CEP112: variants seen among roughly 807,000 people sequenced by gnomAD.
CEP112 encodes centrosomal protein of 112 kDa.
A neutral mutation model predicts 153.0 loss-of-function variants in CEP112; 127 were observed. The ratio of observed to expected loss-of-function variants is 0.83; its 90% confidence interval spans 0.72 to 0.96. The LOEUF (loss-of-function observed/expected upper bound fraction) is 0.96. CEP112 is among the 40% of genes least tolerant of loss of function. The pLI is 0.00. For synonymous variants in CEP112, 358 were observed against 374.4 expected (o/e 0.96, Z 0.51); for missense variants, 1,089 against 1,101.2 (o/e 0.99, Z 0.16).
At chr17:66,142,551 T>C (rs373610422) in intron 4 of CEP112, among the ~76,000 whole-genome samples, 2 of 152,178 alleles carry the variant, frequency 1.3e-5, no homozygotes, top group East Asian at 3.8e-4. Context: ...AGGGCCAAAT[T>C]TTCTTTTTAT....
chr17:65,781,523 A>AG (rs1051429211), intron 21 of CEP112, among the ~76,000 whole-genome samples: 1 of 149,458 alleles, frequency 6.7e-6, no homozygotes, highest in African/African-American at 2.5e-5. Flanking sequence ...ATATGGAACA[A>AG]AAAAAAAAGC....
At chr17:66,188,604 A>C (rs543443251) in intron 1 of CEP112, among the ~76,000 whole-genome samples, 1 of 147,656 alleles carries the variant, frequency 6.8e-6, no homozygotes, top group African/African-American at 2.5e-5. Context: ...TTTTTTACAC[A>C]TCTGTGTATT....
At position 65,902,150 on chromosome 17, in the gene CEP112, A is replaced by C. The variant is rs766237557; in HGVS notation, c.2163+2T>G. On this transcript the variant is annotated splice_donor_variant, in intron 20 of 26. Coordinates refer to ENST00000535342, the MANE Select transcript of CEP112 (RefSeq NM_001199165.4). LOFTEE classifies it high-confidence loss of function. Reference sequence around the variant, plus strand: ...GTTTTATCAAATATTATTGATAATTACCTGTGCATCTCGTTTCTTGAACTC... The same window carrying C: ...GTTTTATCAAATATTATTGATAATTCCCTGTGCATCTCGTTTCTTGAACTC... 2 of 1,606,776 alleles carry C rather than the reference A, an allele frequency of 1.2e-6. No individual in the cohort carries two copies. The highest frequency in any genetic ancestry group is 8.5e-7 in the Non-Finnish European group (1 of 1,174,328).
intron 16 of CEP112, among the ~76,000 whole-genome samples, chr17:66,019,611 T>C (rs1392086895): frequency 6.6e-6 from 1 of 152,254 alleles, no homozygotes; most frequent in East Asian, 1.9e-4. Flanking sequence ...TGAACAATGA[T>C]GGCTATTTTT....
intron 8 of CEP112, among the ~76,000 whole-genome samples, chr17:66,084,893 G>A (rs1399405087): frequency 6.6e-6 from 1 of 152,026 alleles, no homozygotes; most frequent in East Asian, 1.9e-4. Context: ...ATTATGCATT[G>A]CAGGCCTGTA....
At chr17:65,827,205 A>G (rs1407813845) in intron 21 of CEP112, among the ~76,000 whole-genome samples, 1 of 152,192 alleles carries the variant, frequency 6.6e-6, no homozygotes, top group African/African-American at 2.4e-5. Context: ...TTGAGGTTTT[A>G]GGACTTGGAC....
intron 23 of CEP112, among the ~76,000 whole-genome samples, chr17:65,739,980 T>C (rs940223112): frequency 1.5e-4 from 23 of 152,176 alleles, no homozygotes; most frequent in Non-Finnish European, 7.3e-5. Flanking sequence ...TATTATAGTT[T>C]AAATATAGAT....
intron 9 of CEP112, among the ~76,000 whole-genome samples, chr17:66,069,615 T>C (rs1405363285): frequency 6.6e-6 from 1 of 152,060 alleles, no homozygotes; most frequent in Non-Finnish European, 1.5e-5. Flanking sequence ...TGAAAGGTAA[T>C]GACAGAATGC....
intron 6 of CEP112, among the ~76,000 whole-genome samples, chr17:66,097,183 C>T (rs551058676): frequency 6.6e-6 from 1 of 152,306 alleles, no homozygotes; most frequent in East Asian, 1.9e-4. Flanking sequence ...ACCCCACATT[C>T]CAAGGACACC....
intron 24 of CEP112, among the ~76,000 whole-genome samples, chr17:65,677,420 T>C (rs2047287351): frequency 6.6e-6 from 1 of 152,232 alleles, no homozygotes; most frequent in African/African-American, 2.4e-5. Context: ...ATAAGTTACA[T>C]GCATTTGAAC....
At chr17:65,715,696 C>T (rs928525181) in intron 23 of CEP112, among the ~76,000 whole-genome samples, 2 of 152,178 alleles carry the variant, frequency 1.3e-5, no homozygotes, top group Non-Finnish European at 2.9e-5. Flanking sequence ...TGTGATCCAC[C>T]CGCCTCGGCC....
intron 17 of CEP112, among the ~76,000 whole-genome samples, chr17:65,973,500 C>T (rs377205408): frequency 6.6e-6 from 1 of 152,142 alleles, no homozygotes; most frequent in African/African-American, 2.4e-5. Flanking sequence ...GACATGAAAA[C>T]CTTTTTAACA....
At chr17:65,849,420 T>TC (rs1325018227) in intron 21 of CEP112, among the ~76,000 whole-genome samples, 7 of 152,136 alleles carry the variant, frequency 4.6e-5, no homozygotes, top group Non-Finnish European at 7.4e-5. Context: ...AGTGGCCCCC[T>TC]CCCCTGTTTT....
At chr17:65,878,188 T>C (rs763983933) in intron 20 of CEP112, among the ~76,000 whole-genome samples, 5 of 151,744 alleles carry the variant, frequency 3.3e-5, no homozygotes, top group Admixed American at 6.6e-5. Context: ...CCTGTTCTCA[T>C]TGCAAAAAAA....
At chr17:66,087,414 A>C (rs1264557649) in intron 8 of CEP112, among the ~76,000 whole-genome samples, 1 of 152,230 alleles carries the variant, frequency 6.6e-6, no homozygotes, top group Non-Finnish European at 1.5e-5. Flanking sequence ...GGAATGACTC[A>C]AAATGATTTT....
chr17:66,026,043 C>T (rs904082630), intron 16 of CEP112, among the ~76,000 whole-genome samples: 6 of 151,566 alleles, frequency 4.0e-5, no homozygotes, highest in Non-Finnish European at 5.9e-5. Flanking sequence ...TCAAATGCCA[C>T]GTTCTTATTT....
intron 20 of CEP112, among the ~76,000 whole-genome samples, chr17:65,888,757 T>C (rs963382477): frequency 5.3e-5 from 8 of 152,174 alleles, no homozygotes; most frequent in African/African-American, 1.9e-4. Flanking sequence ...CACAGTAAAG[T>C]ATGTGGGGTA....
chr17:65,783,496 A>G (rs1327653579), intron 21 of CEP112, among the ~76,000 whole-genome samples: 3 of 152,248 alleles, frequency 2.0e-5, no homozygotes, highest in East Asian at 1.9e-4. Flanking sequence ...ACAATTTATC[A>G]TAACACTTCT....
chr17:66,015,279 A>G (rs1333922142), intron 16 of CEP112, among the ~76,000 whole-genome samples: 1 of 152,138 alleles, frequency 6.6e-6, no homozygotes, highest in Non-Finnish European at 1.5e-5. Flanking sequence ...TTCTTTTTCA[A>G]GATTCTCTTC....
Sources: gnomAD v4.1 joint callset for allele counts (sites outside exome capture counted in the v4.1 genomes callset) on GRCh38, gnomAD v4.1.1 for gene constraint, MANE v1.5 for transcripts, NCBI Gene and HGNC (gene_info 2026-07-23, HGNC 2026-07-21) for gene names.